The following TIAM1 variants were observed in gnomAD, a reference collection of about 807,000 sequenced individuals.
The protein encoded by TIAM1 is rho guanine nucleotide exchange factor TIAM1.
A neutral mutation model predicts 163.5 loss-of-function variants in TIAM1; 65 were observed. The ratio of observed to expected loss-of-function variants is 0.40; its 90% confidence interval spans 0.33 to 0.49. The LOEUF (loss-of-function observed/expected upper bound fraction) is 0.49, where lower values mean the gene tolerates loss of function less well. Among genes scored for constraint, TIAM1 ranks in the 20% least tolerant of loss-of-function variants. The pLI, the probability that TIAM1 is intolerant of heterozygous loss-of-function variation, is 0.77. For synonymous variants in TIAM1, 833 were observed against 810.1 expected, an observed-to-expected ratio of 1.03 and a Z score of -0.48; for missense variants, 1,789 against 2,044.7, an observed-to-expected ratio of 0.87 and a Z score of 2.41.
chr21:31,253,810 TG>T (rs1440937792), intron 4 of TIAM1, among the ~76,000 whole-genome samples: 1 of 152,182 alleles, frequency 6.6e-6, no homozygotes, highest in East Asian at 1.9e-4. Context: ...CGGGTGGTCA[TG>T]AAAGACCTAG....
At chr21:31,399,998 G>A (rs1266507300) in intron 2 of TIAM1, among the ~76,000 whole-genome samples, 1 of 151,666 alleles carries the variant, frequency 6.6e-6, no homozygotes, top group Non-Finnish European at 1.5e-5. Flanking sequence ...ATAAGTCAGA[G>A]AAGCCTGACT....
intron 6 of TIAM1, among the ~76,000 whole-genome samples, chr21:31,228,241 A>AGGATTTTTCCTTT (rs1569068860): frequency 6.4e-5 from 3 of 46,728 alleles, no homozygotes; most frequent in African/African-American, 1.4e-4. Flanking sequence ...AAAAAAAAAA[A>AGGATTTTTCCTTT]AAAAAAAAAA....
At chr21:31,428,110 A>C (rs1211620202) in intron 2 of TIAM1, among the ~76,000 whole-genome samples, 2 of 151,884 alleles carry the variant, frequency 1.3e-5, no homozygotes, top group African/African-American at 4.8e-5. Flanking sequence ...AAAAATACAA[A>C]ATTAGCCAGG....
At chr21:31,517,553 A>T (rs2047426463) in intron 1 of TIAM1, among the ~76,000 whole-genome samples, 1 of 152,202 alleles carries the variant, frequency 6.6e-6, no homozygotes, top group Non-Finnish European at 1.5e-5. Context: ...CACGCAGAAG[A>T]GGAAAAAGCT....
intron 15 of TIAM1, among the ~76,000 whole-genome samples, chr21:31,175,192 C>T (rs201343574): frequency 2.0e-5 from 3 of 152,310 alleles, no homozygotes; most frequent in East Asian, 3.9e-4. Context: ...ATCCTCCCGC[C>T]TCAGCCTCCC....
At chr21:31,163,281 G>T (rs1460837081) in intron 16 of TIAM1, among the ~76,000 whole-genome samples, 1 of 152,066 alleles carries the variant, frequency 6.6e-6, no homozygotes, top group East Asian at 1.9e-4. Context: ...TCTTACATCA[G>T]TATAGAAATA....
At chr21:31,508,375 A>G (rs2047102180) in intron 1 of TIAM1, among the ~76,000 whole-genome samples, 1 of 149,644 alleles carries the variant, frequency 6.7e-6, no homozygotes, top group Non-Finnish European at 1.5e-5. Context: ...CTAGGTTTTC[A>G]TATTGAAATT....
chr21:31,388,015 A>C (rs1296232870), intron 2 of TIAM1, among the ~76,000 whole-genome samples: 1 of 152,084 alleles, frequency 6.6e-6, no homozygotes, highest in African/African-American at 2.4e-5. Context: ...TCTGTTGCTC[A>C]GGCTTTCACC....
At chr21:31,214,360 AG>A (rs764628746) in intron 9 of TIAM1, among the ~76,000 whole-genome samples, 9 of 151,976 alleles carry the variant, frequency 5.9e-5, no homozygotes, top group Non-Finnish European at 1.3e-4. Context: ...AGAAAGAAAA[AG>A]AAAAAGAAAA....
At chr21:31,471,492 G>A (rs1387492901) in intron 1 of TIAM1, among the ~76,000 whole-genome samples, 2 of 152,156 alleles carry the variant, frequency 1.3e-5, no homozygotes, top group Non-Finnish European at 2.9e-5. Context: ...TCCCTGCAGG[G>A]GTGATCACGG....
At chr21:31,242,868 AAAAAAAAAAAAG>A (rs1446424765) in intron 6 of TIAM1, among the ~76,000 whole-genome samples, 1 of 146,250 alleles carries the variant, frequency 6.8e-6, no homozygotes, top group Non-Finnish European at 1.5e-5. Context: ...CTCAAAAAAA[AAAAAAAAAAAAG>A]AAAAAAGAAA....
At chr21:31,188,298 T>C in intron 13 of TIAM1, among the ~76,000 whole-genome samples, 1 of 152,216 alleles carries the variant, frequency 6.6e-6, no homozygotes. Context: ...TTCATTCTCT[T>C]ATTTTAAATT....
At chr21:31,124,370 C>G in intron 27 of TIAM1, 152 bp downstream of exon 27, 1 of 1,128,870 alleles carries the variant, frequency 8.9e-7, no homozygotes, top group Non-Finnish European at 1.2e-6. Context: ...GAGGCAAGGG[C>G]AAGGAACCTC....
chr21:31,246,592 T>C (rs1428341644), intron 5 of TIAM1, among the ~76,000 whole-genome samples: 1 of 152,208 alleles, frequency 6.6e-6, no homozygotes, highest in Non-Finnish European at 1.5e-5. Flanking sequence ...ACACTTCCTG[T>C]GAACTGCACA....
intron 2 of TIAM1, among the ~76,000 whole-genome samples, chr21:31,336,933 A>G (rs1411805741): frequency 6.6e-6 from 1 of 152,136 alleles, no homozygotes; most frequent in Admixed American, 6.5e-5. Context: ...TCGTTCAGCT[A>G]ACATTTACTA....
chr21:31,143,244 C>T (rs1189665929), intron 20 of TIAM1, among the ~76,000 whole-genome samples: 3 of 152,166 alleles, frequency 2.0e-5, no homozygotes, highest in Non-Finnish European at 2.9e-5. Context: ...ACATTCTTCA[C>T]ATTCATCTGG....
intron 9 of TIAM1, 124 bp downstream of exon 9, chr21:31,217,429 C>A: frequency 7.4e-7 from 1 of 1,345,020 alleles, no homozygotes; most frequent in Non-Finnish European, 1.0e-6. Context: ...CAGCTAGTTT[C>A]TTTGTGCCAA....
At chr21:31,176,129 G>A (rs1283875165) in intron 15 of TIAM1, among the ~76,000 whole-genome samples, 10 of 152,150 alleles carry the variant, frequency 6.6e-5, no homozygotes, top group African/African-American at 2.4e-4. Flanking sequence ...TCTCGTAGTG[G>A]CTTGCAGGGG....
At chr21:31,531,303 G>T (rs576067639) in intron 1 of TIAM1, among the ~76,000 whole-genome samples, 2 of 152,204 alleles carry the variant, frequency 1.3e-5, no homozygotes, top group African/African-American at 4.8e-5. Context: ...CCAACTGTAG[G>T]GTTGGCCCAG....
Sources: allele counts gnomAD v4.1 joint callset (sites outside exome capture counted in the v4.1 genomes callset), GRCh38; gene constraint gnomAD v4.1.1; transcripts MANE v1.5; gene names NCBI Gene and HGNC (gene_info 2026-07-23, HGNC 2026-07-21).